The following BPNT1 variants were observed in gnomAD, a reference collection of about 807,000 sequenced individuals.
BPNT1 encodes 3'(2'),5'-bisphosphate nucleotidase 1.
Under a neutral mutation model 36.9 loss-of-function variants are expected in BPNT1, and 28 were observed. The ratio of observed to expected loss-of-function variants is 0.76; its 90% CI spans 0.56 to 1.04. BPNT1 has a LOEUF of 1.04. BPNT1 is among the 50% of genes least tolerant of loss of function. The pLI, the probability that BPNT1 is intolerant of heterozygous loss-of-function variation, is 0.00. For missense variants in BPNT1, 313 were observed against 372.9 expected, an observed-to-expected ratio of 0.84 and a Z score of 1.32; for synonymous variants, 119 against 130.9, an observed-to-expected ratio of 0.91 and a Z score of 0.62.
At chr1:220,070,676 A>G (rs1272866646) in intron 4 of BPNT1, among the ~76,000 whole-genome samples, 1 of 150,932 alleles carries the variant, frequency 6.6e-6, no homozygotes, top group East Asian at 2.0e-4. Context: ...GTTGGCCAGA[A>G]TGGTCTTGAT....
At chr1:220,063,074 C>A (rs750041214) in intron 6 of BPNT1, 120 bp from the exon 7 acceptor site, 2 of 1,101,360 alleles carry the variant, frequency 1.8e-6, no homozygotes, top group Admixed American at 2.1e-5. Context: ...GATAGCCGGG[C>A]GCGGTGGCTC....
intron 1 of BPNT1, among the ~76,000 whole-genome samples, chr1:220,081,125 C>CG (rs1316839372): frequency 6.6e-6 from 1 of 152,102 alleles, no homozygotes; most frequent in Non-Finnish European, 1.5e-5. Context: ...TTAGTGGACA[C>CG]GGGGTTGCAT....
At chr1:220,087,515 C>T (rs1245580857) in intron 1 of BPNT1, among the ~76,000 whole-genome samples, 2 of 151,742 alleles carry the variant, frequency 1.3e-5, no homozygotes, top group African/African-American at 2.4e-5. Flanking sequence ...AGATCATTTG[C>T]ACCATTGCAC....
intron 1 of BPNT1, among the ~76,000 whole-genome samples, chr1:220,082,081 TATATAGAGAGAGAGAGAG>T (rs1655193697): frequency 1.8e-5 from 2 of 109,806 alleles, no homozygotes; most frequent in Non-Finnish European, 3.9e-5. Flanking sequence ...TATATATATA[TATATAGAGAGAGAGAGAG>T]AGAGAGAGAG....
intron 4 of BPNT1, among the ~76,000 whole-genome samples, chr1:220,070,564 C>T (rs1265856887): frequency 6.6e-6 from 1 of 151,922 alleles, no homozygotes; most frequent in Non-Finnish European, 1.5e-5. Flanking sequence ...CGGATTCAGG[C>T]GATTCTCCTG....
At position 220,069,407 on chromosome 1, in the gene BPNT1, T is replaced by G; in HGVS notation, c.359A>C (p.Asp120Ala). The change falls in exon 5 of 9, where the codon GAT becomes GCT. Residue 120 changes from aspartate (D) to alanine (A), a missense_variant. Coordinates refer to ENST00000322067, the MANE Select transcript of BPNT1 (RefSeq NM_006085.6). ...EDLVVWVDPL[D>A]GTKEYTEGLL... Reference sequence around the variant, plus strand: ...ACCTTCGGTATATTCCTTGGTTCCATCCAGAGGATCAACCCAGACCACGAG... The same window carrying G: ...ACCTTCGGTATATTCCTTGGTTCCAGCCAGAGGATCAACCCAGACCACGAG... The G allele has an allele frequency of 1.2e-6, 2 of 1,606,978 alleles. No individual in the cohort carries two copies. The highest frequency in any genetic ancestry group is 1.1e-5 in the South Asian group (1 of 89,108).
chr1:220,089,547 A>T (rs952889301), intron 1 of BPNT1, 139 bp downstream of exon 1: 1 of 152,236 alleles, frequency 6.6e-6, no homozygotes, highest in East Asian at 1.9e-4. Context: ...AAATATCGAC[A>T]CTCAAGAGTC....
At chr1:220,075,274 C>A (rs1328824077) in intron 2 of BPNT1, among the ~76,000 whole-genome samples, 1 of 152,166 alleles carries the variant, frequency 6.6e-6, no homozygotes, top group Non-Finnish European at 1.5e-5. Context: ...AAACTCCTGA[C>A]CTCATGATCC....
chr1:220,083,210 C>T (rs1201929201), intron 1 of BPNT1, among the ~76,000 whole-genome samples: 1 of 147,526 alleles, frequency 6.8e-6, no homozygotes, highest in Non-Finnish European at 1.5e-5. Flanking sequence ...GCACTCCAGC[C>T]TGGGCGACAG....
chr1:220,061,571 CA>C (rs1219119370), intron 7 of BPNT1, among the ~76,000 whole-genome samples: 11 of 149,620 alleles, frequency 7.4e-5, no homozygotes, highest in Non-Finnish European at 1.5e-4. Context: ...TCAGAAGATA[CA>C]TAAGTAGGAC....
rs1411404056 is a variant in BPNT1 at position 220,058,491 on chromosome 1, T to C, written c.*353A>G. 1 of 988,224 alleles carries C rather than the reference T, an allele frequency of 1.0e-6. No homozygotes were observed. The highest frequency in any genetic ancestry group is 1.7e-5 in the African/African-American group (1 of 57,576). 61.2% of individuals were successfully genotyped at this position (988,224 alleles called of 1,614,324 possible). A position where few individuals can be genotyped will look rare whatever the true frequency, so the allele number is the denominator to read the frequency against. On this transcript the variant is annotated 3_prime_UTR_variant, in exon 9 of 9. Transcript: ENST00000322067. ...TATTATTTTGAGAACCAAGTCTTTC[T>C]CCTAGCTAAGTAAATGAAACTTTAA...
intron 7 of BPNT1, among the ~76,000 whole-genome samples, chr1:220,060,867 C>G (rs1662963040): frequency 6.6e-6 from 1 of 151,918 alleles, no homozygotes; most frequent in South Asian, 2.1e-4. Context: ...AAAGGTGGAA[C>G]AACTCAAAGC....
intron 1 of BPNT1, among the ~76,000 whole-genome samples, chr1:220,080,698 T>C (rs1228485005): frequency 2.0e-5 from 3 of 152,174 alleles, no homozygotes. Flanking sequence ...ACATGGGGAT[T>C]ATGAGGATTA....
At chr1:220,067,464 C>T (rs1663641303) in intron 5 of BPNT1, 71 bp from the exon 6 acceptor site, 2 of 1,042,806 alleles carry the variant, frequency 1.9e-6, no homozygotes, top group Non-Finnish European at 2.8e-6. Flanking sequence ...ACATCAATTG[C>T]TCCAAGTTAG....
At chr1:220,086,727 C>G (rs2102785225) in intron 1 of BPNT1, among the ~76,000 whole-genome samples, 1 of 151,788 alleles carries the variant, frequency 6.6e-6, no homozygotes, top group East Asian at 1.9e-4. Flanking sequence ...AGGCACAAGC[C>G]ACCATGCCAG....
intron 7 of BPNT1, among the ~76,000 whole-genome samples, chr1:220,060,552 C>T (rs1662931545): frequency 6.6e-6 from 1 of 152,078 alleles, no homozygotes; most frequent in Non-Finnish European, 1.5e-5. Context: ...TCAAGCAGTA[C>T]CATAATGTAT....
chr1:220,082,870 A>G (rs1276069313), intron 1 of BPNT1, among the ~76,000 whole-genome samples: 1 of 151,734 alleles, frequency 6.6e-6, no homozygotes, highest in African/African-American at 2.4e-5. Context: ...TATCATCCAC[A>G]CTCTATTGAC....
intron 1 of BPNT1, among the ~76,000 whole-genome samples, chr1:220,088,281 G>A (rs1023478758): frequency 9.9e-5 from 15 of 151,154 alleles, no homozygotes; most frequent in Non-Finnish European, 1.8e-4. Context: ...ATCACCTGAA[G>A]TTAGGAGTTC....
Position 220,057,699 on chromosome 1 carries a change from T to A in BPNT1, c.*1145A>T. On this transcript the variant is annotated 3_prime_UTR_variant, in exon 9 of 9. Transcript: ENST00000322067. Reference sequence around the variant, plus strand: ...GAGAATGTATAATTTTCAAACACTTTTTTAAAAAGCTGGTGAATAACAAAG... The same window carrying A: ...GAGAATGTATAATTTTCAAACACTTATTTAAAAAGCTGGTGAATAACAAAG... 2.1e-6 allele frequency: 1 copy of A among 469,506 alleles called. No individual in the cohort carries two copies. Among genetic ancestry groups the A allele is most frequent in the Non-Finnish European group, 3.8e-6 (1 of 265,400 alleles). 29.1% of individuals were successfully genotyped at this position (469,506 alleles called of 1,614,324 possible).
Sources: allele counts gnomAD v4.1 joint callset (sites outside exome capture counted in the v4.1 genomes callset), GRCh38; gene constraint gnomAD v4.1.1; transcripts MANE v1.5; gene names NCBI Gene and HGNC (gene_info 2026-07-23, HGNC 2026-07-21).